NUDT3: variants seen among roughly 807,000 people sequenced by gnomAD.
NUDT3 encodes diphosphoinositol polyphosphate phosphohydrolase 1.
A neutral mutation model predicts 23.6 loss-of-function variants in NUDT3; 9 were observed. That is an observed-to-expected ratio of 0.38 (90% CI 0.23 to 0.66). NUDT3 has a LOEUF of 0.66. Ranked by LOEUF, NUDT3 falls within the 30% of genes least tolerant of loss-of-function variation. The pLI is 0.52. For missense variants in NUDT3, 172 were observed against 218.5 expected, an observed-to-expected ratio of 0.79 and a Z score of 1.34; for synonymous variants, 86 against 82.6, an observed-to-expected ratio of 1.04 and a Z score of -0.22.
chr6:34,379,339 C>T (rs1038948637), intron 1 of NUDT3, among the ~76,000 whole-genome samples: 2 of 152,108 alleles, frequency 1.3e-5, no homozygotes, highest in Non-Finnish European at 2.9e-5. Context: ...GTGGGCAGAT[C>T]GCCTCAGGCC....
intron 2 of NUDT3, among the ~76,000 whole-genome samples, chr6:34,332,655 A>G (rs1188445675): frequency 6.6e-6 from 1 of 152,210 alleles, no homozygotes; most frequent in African/African-American, 2.4e-5. Flanking sequence ...ATATGGGAGG[A>G]TATGTGTAGG....
At chr6:34,293,968 C>T (rs1295893379) in intron 3 of NUDT3, among the ~76,000 whole-genome samples, 1 of 152,068 alleles carries the variant, frequency 6.6e-6, no homozygotes, top group African/African-American at 2.4e-5. Context: ...TTCCCACCCA[C>T]ACCCCTTTTC....
At chr6:34,319,285 C>A (rs921792291) in intron 2 of NUDT3, among the ~76,000 whole-genome samples, 3 of 152,134 alleles carry the variant, frequency 2.0e-5, no homozygotes, top group Non-Finnish European at 4.4e-5. Context: ...AGGTTGAGGG[C>A]TCAGTCCCAC....
At chr6:34,388,784 T>C (rs1184041156) in intron 1 of NUDT3, among the ~76,000 whole-genome samples, 2 of 152,220 alleles carry the variant, frequency 1.3e-5, no homozygotes, top group Non-Finnish European at 2.9e-5. Flanking sequence ...TACATGTTTG[T>C]TGAACTGAAC....
chr6:34,341,947 T>C lies in NUDT3; in HGVS notation c.125A>G (p.His42Arg). ...TCCAGGGACAATCCATCTGTCTGGA[T>C]GGCGACTACTGCTCACGAGTAGCAC... ...EEVLLVSSSR[H>R]PDRWIVPGGG... The change falls in exon 2 of 5, where the codon CAT becomes CGT. Residue 42 changes from histidine (H) to arginine (R), a missense_variant. By Grantham distance (29) the His-to-Arg change is conservative. This residue lies in a region of NUDT3 where 59 missense variants were observed against 107.4 expected (regional missense o/e 0.55). Transcript: ENST00000607016. 6.2e-7 allele frequency: 1 copy of C among 1,614,024 alleles called. No homozygotes were observed. The highest frequency in any genetic ancestry group is 8.5e-7 in the Non-Finnish European group (1 of 1,179,918).
At chr6:34,329,432 C>G (rs1359030253) in intron 2 of NUDT3, among the ~76,000 whole-genome samples, 3 of 152,082 alleles carry the variant, frequency 2.0e-5, no homozygotes, top group African/African-American at 7.2e-5. Context: ...AGGCGCCTGC[C>G]ACCACGCCTG....
intron 2 of NUDT3, among the ~76,000 whole-genome samples, chr6:34,323,967 A>G (rs1297853159): frequency 1.3e-5 from 2 of 152,220 alleles, no homozygotes; most frequent in African/African-American, 2.4e-5. Context: ...AAAAAATGGT[A>G]AGCTATAGTG....
chr6:34,306,978 G>A (rs552066747), intron 2 of NUDT3, among the ~76,000 whole-genome samples: 2 of 152,172 alleles, frequency 1.3e-5, no homozygotes, highest in African/African-American at 4.8e-5. Flanking sequence ...ACACAGAAAT[G>A]AGTGTATTTA....
chr6:34,346,720 C>T (rs1410113635), intron 1 of NUDT3, among the ~76,000 whole-genome samples: 1 of 151,854 alleles, frequency 6.6e-6, no homozygotes, highest in African/African-American at 2.4e-5. Flanking sequence ...TCCTTGACAA[C>T]CTATTGAAAA....
In NUDT3 at chr6:34,317,476, G is replaced by A. The variant is rs960436106; in HGVS notation, c.211-21791C>T. ...CTAATGTTAAGAGGTGGAGAGAGAG[G>A]GAAAAATGAGCAAAGACAACTCAGA... On this transcript the variant is annotated intron_variant, in intron 2 of 4. Transcript: ENST00000607016. 3.9e-5 allele frequency among the ~76,000 whole-genome samples: 6 copies of A among 152,046 alleles called. No individual in the cohort carries two copies. In the East Asian group the frequency reaches 1.2e-3, roughly 29 times the overall value.
intron 4 of NUDT3, among the ~76,000 whole-genome samples, chr6:34,289,817 A>C (rs915146619): frequency 6.6e-6 from 1 of 152,138 alleles, no homozygotes; most frequent in Non-Finnish European, 1.5e-5. Flanking sequence ...AACTACCCAT[A>C]ATCTTATAAA....
rs11966568 is a variant in NUDT3 at position 34,363,217 on chromosome 6, C to T, written c.100-21245G>A. On this transcript the variant is annotated intron_variant, in intron 1 of 4. Transcript: ENST00000607016. ...AGGTTGCATAATATGCTAACAGCTA[C>T]GCCAAAGTTTATTGGGTTCTAGGGC... is the stretch of plus-strand genomic sequence containing the variant. Among the ~76,000 whole-genome samples, 806 of 152,240 alleles carry T rather than the reference C, an allele frequency of 5.3e-3. 4 individuals carry two copies. The highest frequency in any genetic ancestry group is 0.027 in the South Asian group (130 of 4,826).
At chr6:34,366,393 GAGAA>G (rs1249909229) in intron 1 of NUDT3, among the ~76,000 whole-genome samples, 8 of 148,032 alleles carry the variant, frequency 5.4e-5, no homozygotes, top group Non-Finnish European at 1.0e-4. Flanking sequence ...AAAGAAAAGA[GAGAA>G]AGAAAGGAAA....
At position 34,368,156 on chromosome 6, in the gene NUDT3, G is replaced by A. The variant is rs1430007135; in HGVS notation, c.99+24108C>T. On this transcript the variant is annotated intron_variant, in intron 1 of 4. Transcript: ENST00000607016. ...GCAGAGGTTACAGTGAGCTGAGATC[G>A]TGCCACTGCACTCCAGCCTGGGCGA... 5.3e-5 allele frequency among the ~76,000 whole-genome samples: 8 copies of A among 152,216 alleles called. No individual in the cohort carries two copies. The East Asian group carries it at 1.2e-3, about 22-fold the overall frequency.
intron 2 of NUDT3, among the ~76,000 whole-genome samples, chr6:34,321,298 C>T (rs1763938608): frequency 6.6e-6 from 1 of 151,908 alleles, no homozygotes; most frequent in Non-Finnish European, 1.5e-5. Context: ...ACTAGCTGGG[C>T]GTGGTGGTGC....
chr6:34,312,993 C>A (rs191777854), intron 2 of NUDT3, among the ~76,000 whole-genome samples: 52 of 151,938 alleles, frequency 3.4e-4, no homozygotes, highest in East Asian at 2.5e-3. Flanking sequence ...ATGGCGAAAC[C>A]CCCTCTCTAC....
At chr6:34,373,566 T>A (rs556126645) in intron 1 of NUDT3, among the ~76,000 whole-genome samples, 1 of 152,104 alleles carries the variant, frequency 6.6e-6, no homozygotes, top group Non-Finnish European at 1.5e-5. Context: ...AAATTTGCTA[T>A]GGTGAATGTA....
At position 34,281,564 on chromosome 6, in the gene NUDT3, T is replaced by C. The variant is rs62399870; in HGVS notation, c.*7189A>G. ...TGACAGTCTTCAGATCACAAAACAA[T>C]AGAACAGACCTGACATTTACAAAAC... On this transcript the variant is annotated 3_prime_UTR_variant, in exon 5 of 5. Coordinates refer to ENST00000607016, the MANE Select transcript of NUDT3 (RefSeq NM_006703.4). The C allele has an allele frequency of 0.16, 24,688 of 149,778 alleles. 2,202 individuals carry two copies. Among genetic ancestry groups the C allele is most frequent in the African/African-American group, 0.22 (9,094 of 41,304 alleles). 9.3% of individuals were successfully genotyped at this position (149,778 alleles called of 1,614,324 possible). A position where few individuals can be genotyped will look rare whatever the true frequency, so the allele number is the denominator to read the frequency against.
chr6:34,340,871 T>C (rs1471061431), intron 2 of NUDT3, among the ~76,000 whole-genome samples: 1 of 152,180 alleles, frequency 6.6e-6, no homozygotes, highest in African/African-American at 2.4e-5. Context: ...GAGAGTGACA[T>C]AAGCCAATGT....
Sources: allele counts gnomAD v4.1 joint callset (sites outside exome capture counted in the v4.1 genomes callset), GRCh38; gene constraint gnomAD v4.1.1; regional missense constraint gnomAD v4.1.1; transcripts MANE v1.5; gene names NCBI Gene and HGNC (gene_info 2026-07-23, HGNC 2026-07-21).